The following CLCN4 variants were observed in gnomAD, a reference collection of about 807,000 sequenced individuals.
CLCN4 encodes H(+)/Cl(-) exchange transporter 4.
In CLCN4, 1 loss-of-function variant was observed where a neutral mutation model predicts 41.7. The ratio of observed to expected loss-of-function variants is 0.02; its 90% CI spans 0.01 to 0.11. The LOEUF (loss-of-function observed/expected upper bound fraction) is 0.11. Among genes scored for constraint, CLCN4 ranks in the 10% least tolerant of loss-of-function variants. CLCN4 has a pLI of 1.00. For synonymous variants in CLCN4, 277 were observed against 285.8 expected, an observed-to-expected ratio of 0.97 and a Z score of 0.31; for missense variants, 287 against 661.0, an observed-to-expected ratio of 0.43 and a Z score of 6.20.
rs186905577 is a variant in CLCN4 at position 10,212,852 on chromosome X, C to G, written c.1576+199C>G. 4.3e-3 allele frequency among the ~76,000 whole-genome samples: 481 copies of G among 111,051 alleles called. 4 individuals carry two copies. The highest frequency in any genetic ancestry group is 0.015 in the African/African-American group (470 of 30,439). The stretch of plus-strand genomic sequence containing the variant: ...CGCTCACTATGCAGACACACACACA[C>G]ACACACAAACAGATGCCCTCAACTT... On this transcript the variant is annotated intron_variant, in intron 10 of 12. Coordinates refer to ENST00000380833, the MANE Select transcript of CLCN4 (RefSeq NM_001830.4).
At chrX:10,194,611 CA>C (rs1226195488) in intron 4 of CLCN4, among the ~76,000 whole-genome samples, 2 of 112,021 alleles carry the variant, frequency 1.8e-5, no homozygotes, top group Admixed American at 1.9e-4. Context: ...TACCCAATGT[CA>C]AAAACTTGGA....
chrX:10,200,520 C>T (rs1306104164), intron 6 of CLCN4, among the ~76,000 whole-genome samples: 2 of 112,181 alleles, frequency 1.8e-5, no homozygotes, highest in African/African-American at 3.2e-5. Context: ...CCCATCTCTC[C>T]CTTCCAAGAA....
intron 2 of CLCN4, among the ~76,000 whole-genome samples, chrX:10,161,794 T>C (rs755193514): frequency 1.8e-5 from 2 of 111,130 alleles, no homozygotes; most frequent in South Asian, 3.9e-4. Context: ...GGAGAGGCAC[T>C]TCCACCATGA....
chrX:10,213,378 T>C (rs943579661), intron 10 of CLCN4, among the ~76,000 whole-genome samples: 1 of 112,058 alleles, frequency 8.9e-6, no homozygotes, highest in African/African-American at 3.3e-5. Context: ...AGTCAGAAGC[T>C]TGCAGAGCCC....
chrX:10,164,921 A>C (rs192659265), intron 2 of CLCN4, among the ~76,000 whole-genome samples: 1 of 112,257 alleles, frequency 8.9e-6, no homozygotes, highest in African/African-American at 3.2e-5. Flanking sequence ...GATTCTGGCT[A>C]CACAGCTTGC....
intron 12 of CLCN4, among the ~76,000 whole-genome samples, chrX:10,223,344 A>T (rs942229172): frequency 1.8e-5 from 2 of 111,804 alleles, no homozygotes; most frequent in African/African-American, 6.5e-5. Flanking sequence ...GCCCGCTCAC[A>T]CCTCATAGAG....
At chrX:10,184,515 G>A (rs1923762286) in intron 2 of CLCN4, among the ~76,000 whole-genome samples, 1 of 111,547 alleles carries the variant, frequency 9.0e-6, no homozygotes, top group Non-Finnish European at 1.9e-5. Context: ...GTTTTTCACA[G>A]TTTTGTGCTT....
rs189929155 is a variant in CLCN4 at position 10,186,176 on chromosome X, C to T, written c.144+1000C>T. 1.8e-3 allele frequency among the ~76,000 whole-genome samples: 196 copies of T among 107,806 alleles called. 1 individual carries two copies. Among genetic ancestry groups the T allele is most frequent in the African/African-American group, 6.1e-3 (180 of 29,539 alleles). The allele number at this position is 107,806 out of a possible 115,157, so 93.6% of individuals were successfully genotyped here. ...GAGGCCATTGAGTTCTGTGTAGATGCGTTGGTTTGAGCTGCGCTGCGGATG... is the reference window on the plus strand; with the variant it reads ...GAGGCCATTGAGTTCTGTGTAGATGTGTTGGTTTGAGCTGCGCTGCGGATG... On this transcript the variant is annotated intron_variant, in intron 3 of 12. Transcript: ENST00000380833.
intron 2 of CLCN4, among the ~76,000 whole-genome samples, chrX:10,170,998 C>T (rs1923373883): frequency 8.9e-6 from 1 of 112,278 alleles, no homozygotes; most frequent in Non-Finnish European, 1.9e-5. Context: ...GATTCTCTTG[C>T]GTCAGCCTCC....
At position 10,211,676 on chromosome X, in the gene CLCN4, G is replaced by A. The variant is rs368628943; in HGVS notation, c.1390-791G>A. On this transcript the variant is annotated intron_variant, in intron 9 of 12. Transcript: ENST00000380833. ...GGGGCTGGCTGGCATCATTGCAGCTGCTGCCCATGGTCAGCGGTCACGTGT... is the reference window on the plus strand; with the variant it reads ...GGGGCTGGCTGGCATCATTGCAGCTACTGCCCATGGTCAGCGGTCACGTGT... 9.7e-4 allele frequency among the ~76,000 whole-genome samples: 109 copies of A among 112,068 alleles called. 1 individual carries two copies. In the South Asian group the frequency reaches 0.037, roughly 38 times the overall value.
intron 12 of CLCN4, among the ~76,000 whole-genome samples, chrX:10,229,548 C>T (rs985508486): frequency 6.5e-5 from 7 of 108,421 alleles, no homozygotes; most frequent in African/African-American, 2.4e-4. Context: ...TCCCCCGTCC[C>T]CCCACCCCAC....
At chrX:10,189,657 C>T (rs529624664) in intron 4 of CLCN4, among the ~76,000 whole-genome samples, 3 of 112,528 alleles carry the variant, frequency 2.7e-5, no homozygotes, top group Non-Finnish European at 5.6e-5. Flanking sequence ...CTTCCCCCTT[C>T]CTCGCTGGAC....
In CLCN4 at chrX:10,208,545, A is replaced by G; in HGVS notation, c.1344A>G (p.Ala448=). The change falls in exon 9 of 13, where the codon GCA becomes GCG. Residue 448 remains alanine, a synonymous_variant. Coordinates refer to ENST00000380833, the MANE Select transcript of CLCN4 (RefSeq NM_001830.4). ...VYTAMWQLAL[A]LIFKIVVTIF... ...CGGCCATGTGGCAGCTGGCCCTGGC[A>G]CTGATCTTCAAAATCGTCGTTACCA... 8.3e-7 allele frequency: 1 copy of G among 1,210,376 alleles called. No homozygotes were observed. Among genetic ancestry groups the G allele is most frequent in the Non-Finnish European group, 1.1e-6 (1 of 895,099 alleles).
At chrX:10,204,034 A>G (rs1025331292) in intron 6 of CLCN4, among the ~76,000 whole-genome samples, 16 of 111,983 alleles carry the variant, frequency 1.4e-4, no homozygotes, top group Non-Finnish European at 2.6e-4. Context: ...ACCCGGCAGT[A>G]AACATTCAGT....
At chrX:10,191,692 A>AATTTTTT (rs1923965329) in intron 4 of CLCN4, among the ~76,000 whole-genome samples, 4 of 49,768 alleles carry the variant, frequency 8.0e-5, no homozygotes, top group African/African-American at 3.7e-4. Flanking sequence ...TATCTGGTTA[A>AATTTTTT]TTTTTTTTTT....
In CLCN4 at chrX:10,235,263, G is replaced by A. The variant is rs977871883; in HGVS notation, c.*1679G>A. 1 of 112,389 alleles carries A rather than the reference G, an allele frequency of 8.9e-6. No individual in the cohort carries two copies. Among genetic ancestry groups the A allele is most frequent in the Non-Finnish European group, 1.9e-5 (1 of 53,194 alleles). The allele number at this position is 112,389 out of a possible 1,213,427, so 9.3% of individuals were successfully genotyped here. On this transcript the variant is annotated 3_prime_UTR_variant, in exon 13 of 13. Transcript: ENST00000380833. ...GAGGAAGGGAGAGGCAAGCAACTAG[G>A]TACAATGTCTATCAGGAAAGCAAAG...
chrX:10,213,173 C>T (rs1924612208), intron 10 of CLCN4, among the ~76,000 whole-genome samples: 1 of 111,876 alleles, frequency 8.9e-6, no homozygotes, highest in African/African-American at 3.3e-5. Flanking sequence ...TTTTGTACCA[C>T]GGAAAGTGGC....
intron 2 of CLCN4, among the ~76,000 whole-genome samples, chrX:10,180,961 C>T (rs898590160): frequency 1.8e-5 from 2 of 109,845 alleles, no homozygotes; most frequent in Admixed American, 9.7e-5. Context: ...AACAAGCCTT[C>T]GGATGATGCC....
In CLCN4 at chrX:10,216,897, G is replaced by GTATATA. The variant is rs1555977625; in HGVS notation, c.1975+2835_1975+2840dup. 5.8e-4 allele frequency among the ~76,000 whole-genome samples: 12 copies of GTATATA among 20,821 alleles called. 1 individual carries two copies. The highest frequency in any genetic ancestry group is 1.2e-3 in the Admixed American group (2 of 1,727). 18.1% of individuals were successfully genotyped at this position (20,821 alleles called of 115,157 possible). Reference sequence around the variant, plus strand: ...GTTGGGGATGTGTGTGTGTGTGTGTGTATATATATATATATATATATACAC... The same window carrying GTATATA: ...GTTGGGGATGTGTGTGTGTGTGTGTGTATATATATATATATATATATATATATACAC... On this transcript the variant is annotated intron_variant, in intron 11 of 12. Transcript: ENST00000380833.
Sources: gnomAD v4.1 joint callset for allele counts (sites outside exome capture counted in the v4.1 genomes callset) on GRCh38, gnomAD v4.1.1 for gene constraint, MANE v1.5 for transcripts, NCBI Gene and HGNC (gene_info 2026-07-23, HGNC 2026-07-21) for gene names.